Variants in SIPA1L1 observed in about 807,000 individuals in gnomAD.
SIPA1L1 encodes signal induced proliferation associated 1 like 1.
SIPA1L1 carries 26 observed loss-of-function variants against 162.7 expected under a neutral mutation model. That is an observed-to-expected ratio of 0.16 (90% CI 0.12 to 0.22). The LOEUF (loss-of-function observed/expected upper bound fraction) is 0.22, where lower values mean the gene tolerates loss of function less well. Ranked by LOEUF, SIPA1L1 falls within the 10% of genes least tolerant of loss-of-function variation. The probability of loss-of-function intolerance (pLI) is 1.00; values close to 1 mark genes in which losing one functional copy is unlikely to be tolerated. For missense variants in SIPA1L1, 1,874 were observed against 2,241.0 expected, an observed-to-expected ratio of 0.84 and a Z score of 3.31; for synonymous variants, 829 against 837.4, an observed-to-expected ratio of 0.99 and a Z score of 0.17.
At chr14:71,446,592 T>G (rs2045361302) in intron 2 of SIPA1L1, among the ~76,000 whole-genome samples, 1 of 152,122 alleles carries the variant, frequency 6.6e-6, no homozygotes. Context: ...AAGAAAGAAT[T>G]TACTATTTCA....
intron 2 of SIPA1L1, among the ~76,000 whole-genome samples, chr14:71,483,893 A>C (rs1595705375): frequency 6.6e-6 from 1 of 151,576 alleles, no homozygotes; most frequent in African/African-American, 2.4e-5. Flanking sequence ...GTAAGGTTTT[A>C]CTCCTTCCCT....
chr14:71,346,473 G>A (rs1278392766), intron 2 of SIPA1L1, among the ~76,000 whole-genome samples: 1 of 152,142 alleles, frequency 6.6e-6, no homozygotes, highest in Non-Finnish European at 1.5e-5. Flanking sequence ...TTTTAGAAAG[G>A]TGTCTCATGA....
chr14:71,474,777 G>A (rs1016624680), intron 2 of SIPA1L1, among the ~76,000 whole-genome samples: 6 of 152,042 alleles, frequency 3.9e-5, no homozygotes, highest in Non-Finnish European at 7.4e-5. Context: ...TCTTCATTTG[G>A]CTATTTATAG....
intron 2 of SIPA1L1, among the ~76,000 whole-genome samples, chr14:71,403,677 A>G (rs2140102654): frequency 6.7e-6 from 1 of 149,288 alleles, no homozygotes; most frequent in Middle Eastern, 3.5e-3. Context: ...TATCCTTTTT[A>G]TCAATTTATA....
intron 2 of SIPA1L1, among the ~76,000 whole-genome samples, chr14:71,492,668 C>T (rs1419587267): frequency 2.0e-5 from 3 of 152,122 alleles, no homozygotes; most frequent in African/African-American, 4.8e-5. Flanking sequence ...GACAGGAGCT[C>T]ACTCTCTCGC....
At chr14:71,407,452 C>T (rs2042102557) in intron 2 of SIPA1L1, among the ~76,000 whole-genome samples, 1 of 145,692 alleles carries the variant, frequency 6.9e-6, no homozygotes, top group Non-Finnish European at 1.5e-5. Flanking sequence ...TCCCTTTCTT[C>T]TCTCCCTCCC....
At chr14:71,595,976 AC>A (rs1364012469) in intron 5 of SIPA1L1, among the ~76,000 whole-genome samples, 1 of 152,058 alleles carries the variant, frequency 6.6e-6, no homozygotes, top group Non-Finnish European at 1.5e-5. Flanking sequence ...TCAAAATCTA[AC>A]CTTTTGTCTT....
chr14:71,509,095 G>A (rs1051324860), intron 2 of SIPA1L1, among the ~76,000 whole-genome samples: 6 of 152,098 alleles, frequency 3.9e-5, no homozygotes, highest in Non-Finnish European at 8.8e-5. Context: ...TTGAAGGTCC[G>A]TCCTCTTACT....
chr14:71,639,441 C>T (rs1284012321), intron 7 of SIPA1L1, among the ~76,000 whole-genome samples: 3 of 152,104 alleles, frequency 2.0e-5, no homozygotes, highest in African/African-American at 7.2e-5. Flanking sequence ...AATGGAGAGG[C>T]ATACTATATT....
chr14:71,614,073 G>A (rs1344097361), intron 5 of SIPA1L1, among the ~76,000 whole-genome samples: 1 of 152,066 alleles, frequency 6.6e-6, no homozygotes, highest in Non-Finnish European at 1.5e-5. Context: ...GGTGGCACGT[G>A]CCTGTAGTCC....
intron 2 of SIPA1L1, chr14:71,330,478 A>T: frequency 6.2e-7 from 1 of 1,606,420 alleles, no homozygotes; most frequent in Non-Finnish European, 8.5e-7. Context: ...CACAGCTAGA[A>T]CTTGGTCCCC....
At chr14:71,547,436 AGT>A (rs2055339946) in intron 4 of SIPA1L1, among the ~76,000 whole-genome samples, 1 of 151,174 alleles carries the variant, frequency 6.6e-6, no homozygotes, top group African/African-American at 2.4e-5. Flanking sequence ...TGGGATTACA[AGT>A]GTGCACCACT....
chr14:71,676,937 T>C (rs938566625), intron 12 of SIPA1L1, among the ~76,000 whole-genome samples: 3 of 152,274 alleles, frequency 2.0e-5, no homozygotes, highest in East Asian at 1.9e-4. Context: ...AATAAACATA[T>C]GTGTGCATGT....
rs61004496 is a variant in SIPA1L1 at position 71,587,880 on chromosome 14, G to A, written c.8G>A (p.Ser3Asn). The part of the protein sequence containing the change: MT[S>N]LKRSQTERPL... ...TCTACTTGCTTTTACATCATGACCAGCTTGAAACGGTCACAGACAGAAAGG... is the reference window on the plus strand; with the variant it reads ...TCTACTTGCTTTTACATCATGACCAACTTGAAACGGTCACAGACAGAAAGG... The change falls in exon 5 of 24, where the codon AGC becomes AAC. Residue 3 changes from serine to asparagine, a missense_variant. Ser to Asn is a conservative substitution (Grantham distance 46). Around this residue, in one of 5 missense-constraint regions of SIPA1L1, gnomAD observed 685 missense variants for 828.0 expected, o/e 0.83. Transcript: ENST00000381232. The A allele has an allele frequency of 6.2e-7, 1 of 1,605,144 alleles. No individual in the cohort carries two copies. Among genetic ancestry groups the A allele is most frequent in the Non-Finnish European group, 8.5e-7 (1 of 1,172,390 alleles).
chr14:71,595,817 T>C (rs1028620309), intron 5 of SIPA1L1, among the ~76,000 whole-genome samples: 2 of 152,196 alleles, frequency 1.3e-5, no homozygotes, highest in Non-Finnish European at 1.5e-5. Context: ...TTTATCTTCA[T>C]TGTGTTCAAC....
intron 2 of SIPA1L1, among the ~76,000 whole-genome samples, chr14:71,476,838 C>T (rs1420610449): frequency 6.6e-5 from 10 of 151,846 alleles, no homozygotes; most frequent in African/African-American, 1.9e-4. Context: ...CCACCATGCC[C>T]GGCTAATTTT....
At chr14:71,444,212 G>A (rs1053758536) in intron 2 of SIPA1L1, among the ~76,000 whole-genome samples, 7 of 152,104 alleles carry the variant, frequency 4.6e-5, no homozygotes, top group South Asian at 2.1e-4. Flanking sequence ...TCACGTTCTC[G>A]AAAGTAATAC....
chr14:71,492,222 G>T (rs1378202520), intron 2 of SIPA1L1, among the ~76,000 whole-genome samples: 1 of 152,196 alleles, frequency 6.6e-6, no homozygotes, highest in Non-Finnish European at 1.5e-5. Flanking sequence ...GCAGGAAGGA[G>T]CAAGTGTGGA....
At chr14:71,650,885 A>G (rs1376124321) in intron 8 of SIPA1L1, among the ~76,000 whole-genome samples, 1 of 152,030 alleles carries the variant, frequency 6.6e-6, no homozygotes, top group Non-Finnish European at 1.5e-5. Flanking sequence ...GACTTCCATT[A>G]ATTCATTTCA....
Sources: allele counts gnomAD v4.1 joint callset (sites outside exome capture counted in the v4.1 genomes callset), GRCh38; gene constraint gnomAD v4.1.1; regional missense constraint gnomAD v4.1.1; transcripts MANE v1.5; gene names NCBI Gene and HGNC (gene_info 2026-07-23, HGNC 2026-07-21).